The following BTG4 variants were observed in gnomAD, a reference collection of about 807,000 sequenced individuals.
BTG4 encodes the protein protein BTG4.
In BTG4, 10 loss-of-function variants were observed where a neutral mutation model predicts 19.3. The ratio of observed to expected loss-of-function variants is 0.52; its 90% CI spans 0.32 to 0.88. The LOEUF is 0.88. Among genes scored for constraint, BTG4 ranks in the 40% least tolerant of loss-of-function variants. The probability of loss-of-function intolerance (pLI) is 0.04; values close to 1 mark genes in which losing one functional copy is unlikely to be tolerated. For missense variants in BTG4, 238 were observed against 281.9 expected (o/e 0.84, Z 1.11); for synonymous variants, 91 against 95.7 (o/e 0.95, Z 0.29).
At chr11:111,456,910 C>T in the BTG4 span, among the ~76,000 whole-genome samples, 16 of 152,236 alleles carry the variant, frequency 1.1e-4, no homozygotes, top group Non-Finnish European at 1.6e-4. The surrounding 1 kb of genome is among the most constrained non-coding windows in gnomAD (Gnocchi z 4.2). Flanking sequence ...TACTTCCTTC[C>T]CCTCCTCATC....
chr11:111,493,490 A>G (rs998811269), downstream of BTG4, among the ~76,000 whole-genome samples: 1 of 152,214 alleles, frequency 6.6e-6, no homozygotes, highest in African/African-American at 2.4e-5. Flanking sequence ...CCAGCATCCT[A>G]AAGCCTAATA....
At chr11:111,395,767 G>T in the BTG4 span, among the ~76,000 whole-genome samples, 1 of 152,172 alleles carries the variant, frequency 6.6e-6, no homozygotes, top group East Asian at 1.9e-4. Context: ...CTCAGTCCAG[G>T]CAGCCCCACA....
the BTG4 span, among the ~76,000 whole-genome samples, chr11:111,403,299 C>T: frequency 6.6e-6 from 1 of 152,210 alleles, no homozygotes; most frequent in Non-Finnish European, 1.5e-5. Flanking sequence ...GCTTCAGAAT[C>T]CCAACCTCAA....
the BTG4 span, among the ~76,000 whole-genome samples, chr11:111,445,716 GC>G: frequency 6.6e-6 from 1 of 152,136 alleles, no homozygotes; most frequent in Non-Finnish European, 1.5e-5. Flanking sequence ...TTTCCGGTTT[GC>G]CATTCCTAGA....
intron 5 of BTG4, among the ~76,000 whole-genome samples, chr11:111,471,524 G>A (rs1864061877): frequency 6.6e-6 from 1 of 151,930 alleles, no homozygotes; most frequent in South Asian, 2.1e-4. Context: ...GGCCTCCTCT[G>A]GTTTTCCTCC....
intron 5 of BTG4, among the ~76,000 whole-genome samples, chr11:111,481,307 G>A (rs1944118): frequency 0.34 from 51,785 of 151,450 alleles, 9,005 homozygotes; most frequent in Middle Eastern, 0.4. Context: ...GATTTCCAAG[G>A]AAGAAGTCTC....
At chr11:111,411,193 A>T in the BTG4 span, among the ~76,000 whole-genome samples, 1 of 152,014 alleles carries the variant, frequency 6.6e-6, no homozygotes, top group Admixed American at 6.6e-5. Flanking sequence ...TCAAGTTCTC[A>T]TTCTGACCCA....
In BTG4 at chr11:111,498,028, A is replaced by G. The variant is rs1865845388; in HGVS notation, c.281T>C (p.Ile94Thr). The change falls in exon 3 of 5, where the codon ATA becomes ACA. Residue 94 changes from isoleucine to threonine, a missense_variant. Ile to Thr is a moderately conservative substitution (Grantham distance 89). Coordinates refer to ENST00000692032, the MANE Select transcript of BTG4 (RefSeq NM_001367975.1). ...SHLGLPKEMT[I>T]WVDPFEVCCR... ...GCATACTTCAAAGGGATCTACCCAT[A>G]TGGTCATCTCCTTCGGAAGTCCCAG... 6.2e-7 allele frequency: 1 copy of G among 1,614,168 alleles called. No individual in the cohort carries two copies. The highest frequency in any genetic ancestry group is 8.5e-7 in the Non-Finnish European group (1 of 1,180,006).
At chr11:111,434,160 T>A in the BTG4 span, among the ~76,000 whole-genome samples, 2 of 152,196 alleles carry the variant, frequency 1.3e-5, no homozygotes, top group African/African-American at 2.4e-5. Context: ...CAAATGTCCA[T>A]CAATGATAGA....
At chr11:111,485,141 T>C (rs1864979297) in intron 5 of BTG4, among the ~76,000 whole-genome samples, 1 of 152,070 alleles carries the variant, frequency 6.6e-6, no homozygotes, top group Non-Finnish European at 1.5e-5. Context: ...CAAAGAGAGA[T>C]GGACCTCAAT....
the BTG4 span, among the ~76,000 whole-genome samples, chr11:111,426,842 C>T: frequency 1.3e-5 from 2 of 152,294 alleles, no homozygotes; most frequent in East Asian, 3.9e-4. Context: ...AAGTTAATAT[C>T]ACCCCGGAGT....
chr11:111,456,503 G>A, the BTG4 span: 1 of 456,426 alleles, frequency 2.2e-6, no homozygotes, highest in South Asian at 1.5e-5. The surrounding 1 kb of genome is among the most constrained non-coding windows in gnomAD (Gnocchi z 4.2). Context: ...GGCAATGATT[G>A]CTTTCCTGCA....
the BTG4 span, among the ~76,000 whole-genome samples, chr11:111,408,245 T>G: frequency 2.6e-5 from 4 of 152,172 alleles, no homozygotes; most frequent in Admixed American, 6.5e-5. Context: ...TCCTTCTCAT[T>G]TATTTCCCTT....
At chr11:111,502,137 C>T (rs549470861) in intron 1 of BTG4, among the ~76,000 whole-genome samples, 30 of 151,252 alleles carry the variant, frequency 2.0e-4, no homozygotes, top group African/African-American at 6.9e-4. Flanking sequence ...TTACCCCAGA[C>T]ATTTTTTTTT....
the BTG4 span, among the ~76,000 whole-genome samples, chr11:111,427,014 T>C: frequency 6.6e-6 from 1 of 152,224 alleles, no homozygotes; most frequent in African/African-American, 2.4e-5. Flanking sequence ...CCCACAAGGA[T>C]ATTATTTCCT....
chr11:111,506,696 AAT>A (rs1177127783), intron 1 of BTG4, among the ~76,000 whole-genome samples: 4 of 152,298 alleles, frequency 2.6e-5, no homozygotes, highest in East Asian at 3.9e-4. Flanking sequence ...TACTAATATA[AAT>A]ATGTGTATAT....
At chr11:111,473,820 TGGA>T (rs756405142) in intron 5 of BTG4, among the ~76,000 whole-genome samples, 2 of 152,150 alleles carry the variant, frequency 1.3e-5, no homozygotes, top group Non-Finnish European at 2.9e-5. Flanking sequence ...TTCATCAAGC[TGGA>T]GGAGAACAAA....
At chr11:111,456,027 G>A in the BTG4 span, 1 of 275,722 alleles carries the variant, frequency 3.6e-6, no homozygotes, top group East Asian at 8.4e-5. The surrounding 1 kb of genome is among the most constrained non-coding windows in gnomAD (Gnocchi z 4.2). Flanking sequence ...GACACCCCAA[G>A]GTCGGGAGGG....
chr11:111,427,528 G>A, the BTG4 span, among the ~76,000 whole-genome samples: 45,161 of 152,022 alleles, frequency 0.3, 6,934 homozygotes, highest in Admixed American at 0.34. Flanking sequence ...TTCTTCTGCC[G>A]CTAATCCACC....
Sources: allele counts gnomAD v4.1 joint callset (sites outside exome capture counted in the v4.1 genomes callset), GRCh38; gene constraint gnomAD v4.1.1; non-coding constraint Gnocchi (gnomAD v3.1); transcripts MANE v1.5; gene names NCBI Gene and HGNC (gene_info 2026-07-23, HGNC 2026-07-21).